Variants in SLC7A11 observed in about 807,000 individuals in gnomAD.
SLC7A11 encodes cystine/glutamate transporter.
Under a neutral mutation model 54.5 loss-of-function variants are expected in SLC7A11, and 35 were observed. The ratio of observed to expected loss-of-function variants is 0.64; its 90% CI spans 0.49 to 0.85. SLC7A11 has a LOEUF of 0.85. SLC7A11 is among the 40% of genes least tolerant of loss of function. The probability of loss-of-function intolerance (pLI) is 0.00; values close to 1 mark genes in which losing one functional copy is unlikely to be tolerated. For missense variants in SLC7A11, 583 were observed against 618.1 expected (o/e 0.94, Z 0.60); for synonymous variants, 230 against 225.2 (o/e 1.02, Z -0.19).
In SLC7A11 at chr4:138,170,269, T is replaced by TACACACACACAC. The variant is rs1349979159; in HGVS notation, c.*1686_*1687insGTGTGTGTGTGT. The TACACACACACAC allele has an allele frequency of 2.5e-5, 2 of 81,268 alleles. No homozygotes were observed. Among genetic ancestry groups the TACACACACACAC allele is most frequent in the African/African-American group, 8.5e-5 (2 of 23,602 alleles). 5.0% of individuals were successfully genotyped at this position (81,268 alleles called of 1,614,324 possible). A position where few individuals can be genotyped will look rare whatever the true frequency, so the allele number is the denominator to read the frequency against. On this transcript the variant is annotated 3_prime_UTR_variant, in exon 12 of 12. Coordinates refer to ENST00000280612, the MANE Select transcript of SLC7A11 (RefSeq NM_014331.4). The stretch of plus-strand genomic sequence containing the variant: ...GTGTGTGTATATATATATATATATA[T>TACACACACACAC]ATACACACACACACACACACACACA...
chr4:138,172,944 C>T (rs905116858), intron 11 of SLC7A11, among the ~76,000 whole-genome samples: 24 of 151,992 alleles, frequency 1.6e-4, no homozygotes, highest in Admixed American at 1.4e-3. Context: ...CCCAGATTCA[C>T]GCGATTCTCC....
intron 1 of SLC7A11, among the ~76,000 whole-genome samples, chr4:138,239,294 G>T (rs993044086): frequency 7.2e-5 from 11 of 152,056 alleles, no homozygotes; most frequent in Non-Finnish European, 1.5e-5. Flanking sequence ...CTGGGGGAAT[G>T]ATTTTCATTT....
chr4:138,228,137 G>A (rs1292997334), intron 3 of SLC7A11, among the ~76,000 whole-genome samples: 3 of 152,050 alleles, frequency 2.0e-5, no homozygotes, highest in Non-Finnish European at 4.4e-5. Context: ...AATCACAAAT[G>A]TTATTTTTGC....
In SLC7A11 at chr4:138,241,844, C is replaced by A. The variant is rs1021734530; in HGVS notation, c.226G>T (p.Val76Leu). 4 of 1,614,126 alleles carry A rather than the reference C, an allele frequency of 2.5e-6. No homozygotes were observed. The highest frequency in any genetic ancestry group is 3.4e-6 in the Non-Finnish European group (4 of 1,180,024). ...PKGVLQNTGS[V>L]GMSLTIWTVC... ...GTCCAGATGGTCAGAGACATGCCCA[C>A]GCTGCCCGTGTTCTGGAGCACGCCC... is the stretch of plus-strand genomic sequence containing the variant. Residue 76 changes from valine to leucine, a missense_variant, in exon 1 of 12, where the codon GTG becomes TTG. Physicochemically the swap from Val to Leu is conservative, Grantham distance 32. Coordinates refer to ENST00000280612, the MANE Select transcript of SLC7A11 (RefSeq NM_014331.4).
At chr4:138,199,581 T>C (rs375066734) in intron 6 of SLC7A11, among the ~76,000 whole-genome samples, 3 of 152,054 alleles carry the variant, frequency 2.0e-5, no homozygotes, top group East Asian at 1.9e-4. Context: ...TAAGTGCGCA[T>C]AGATCAGAGG....
chr4:138,233,969 A>G (rs6830952), intron 2 of SLC7A11, among the ~76,000 whole-genome samples: 5,728 of 152,164 alleles, frequency 0.038, 177 homozygotes, highest in African/African-American at 0.084. Flanking sequence ...AACTTCTCCA[A>G]CCTATGACTG....
intron 6 of SLC7A11, among the ~76,000 whole-genome samples, chr4:138,214,369 T>C (rs989017119): frequency 6.6e-6 from 1 of 151,398 alleles, no homozygotes; most frequent in African/African-American, 2.4e-5. Flanking sequence ...ATGTAGACTA[T>C]ATAATTAAGC....
At chr4:138,197,657 C>A (rs1737173492) in intron 6 of SLC7A11, among the ~76,000 whole-genome samples, 1 of 151,912 alleles carries the variant, frequency 6.6e-6, no homozygotes. Context: ...TATACAGATT[C>A]TCTTCATCCA....
chr4:138,232,451 C>T, intron 2 of SLC7A11, 69 bp from the exon 3 acceptor site: 1 of 823,440 alleles, frequency 1.2e-6, no homozygotes. Context: ...ATTTTTTCTA[C>T]CTTGAGTGTA....
chr4:138,217,512 C>G (rs1737707522), intron 5 of SLC7A11, among the ~76,000 whole-genome samples: 1 of 152,078 alleles, frequency 6.6e-6, no homozygotes, highest in Admixed American at 6.6e-5. Flanking sequence ...AAATTTTGCT[C>G]TACATAAAGC....
At chr4:138,221,644 TA>T (rs1251458309) in intron 4 of SLC7A11, among the ~76,000 whole-genome samples, 2 of 152,128 alleles carry the variant, frequency 1.3e-5, no homozygotes, top group Non-Finnish European at 2.9e-5. Context: ...TTTTAGCCAC[TA>T]AAAAAACCTC....
intron 9 of SLC7A11, among the ~76,000 whole-genome samples, chr4:138,181,939 CTG>C (rs1736752845): frequency 6.6e-6 from 1 of 152,100 alleles, no homozygotes; most frequent in African/African-American, 2.4e-5. Context: ...ACTTTTTGGA[CTG>C]TAGCTTTTTG....
chr4:138,225,706 C>T (rs1399126145), intron 3 of SLC7A11, among the ~76,000 whole-genome samples: 1 of 151,938 alleles, frequency 6.6e-6, no homozygotes, highest in Non-Finnish European at 1.5e-5. Flanking sequence ...GGAGGTTCAA[C>T]GTTGGTGTAA....
intron 1 of SLC7A11, among the ~76,000 whole-genome samples, chr4:138,237,706 T>A (rs1235997171): frequency 2.3e-4 from 1 of 4,368 alleles, no homozygotes; most frequent in African/African-American, 7.4e-4. Context: ...CCAGAATATA[T>A]ATATATATAT....
intron 4 of SLC7A11, among the ~76,000 whole-genome samples, chr4:138,222,005 G>A (rs938375873): frequency 7.2e-5 from 11 of 152,294 alleles, no homozygotes; most frequent in African/African-American, 2.4e-4. Flanking sequence ...TAACGAATAA[G>A]ATAGAAATGA....
chr4:138,164,685 A>C lies in SLC7A11; in HGVS notation c.*7271T>G, dbSNP rs1736211357. 6.6e-6 allele frequency: 1 copy of C among 152,120 alleles called. No homozygotes were observed. Among genetic ancestry groups the C allele is most frequent in the African/African-American group, 2.4e-5 (1 of 41,434 alleles). The allele number at this position is 152,120 out of a possible 1,614,324, so 9.4% of individuals were successfully genotyped here. On this transcript the variant is annotated 3_prime_UTR_variant, in exon 12 of 12. Transcript: ENST00000280612. ...TAAAATACACACAATCCCCTCTACT[A>C]AGTTTCATGATCACAGTGCCAGAGT...
chr4:138,189,625 T>C (rs1467071723), intron 6 of SLC7A11, among the ~76,000 whole-genome samples: 2 of 152,220 alleles, frequency 1.3e-5, no homozygotes, highest in African/African-American at 4.8e-5. Flanking sequence ...CTAATTGTCA[T>C]GGTGTGACAC....
At chr4:138,211,079 G>A (rs753525482) in intron 6 of SLC7A11, among the ~76,000 whole-genome samples, 3 of 151,994 alleles carry the variant, frequency 2.0e-5, no homozygotes, top group Non-Finnish European at 4.4e-5. Flanking sequence ...ATGATATCAT[G>A]TCCTTTACAG....
chr4:138,212,117 C>T (rs1322886902), intron 6 of SLC7A11, among the ~76,000 whole-genome samples: 1 of 151,656 alleles, frequency 6.6e-6, no homozygotes, highest in Admixed American at 6.6e-5. Context: ...ATGCATGCAT[C>T]GAGATAGCAT....
Sources: gnomAD v4.1 joint callset for allele counts (sites outside exome capture counted in the v4.1 genomes callset) on GRCh38, gnomAD v4.1.1 for gene constraint, MANE v1.5 for transcripts, NCBI Gene and HGNC (gene_info 2026-07-23, HGNC 2026-07-21) for gene names.